Variants in PIP4P2 observed in about 807,000 individuals in gnomAD.
The protein encoded by PIP4P2 is phosphatidylinositol-4,5-bisphosphate 4-phosphatase 2, also known as type 2 phosphatidylinositol 4,5-bisphosphate 4-phosphatase.
In PIP4P2, 19 loss-of-function variants were observed where a neutral mutation model predicts 33.3. The ratio of observed to expected loss-of-function variants is 0.57; its 90% CI spans 0.40 to 0.84. PIP4P2 has a LOEUF of 0.84. PIP4P2 is among the 40% of genes least tolerant of loss of function. PIP4P2 has a pLI of 0.00. For synonymous variants in PIP4P2, 110 were observed against 111.9 expected (o/e 0.98, Z 0.11); for missense variants, 270 against 324.7 (o/e 0.83, Z 1.29).
chr8:91,012,613 C>T (rs1186105039), intron 4 of PIP4P2, among the ~76,000 whole-genome samples: 2 of 152,052 alleles, frequency 1.3e-5, no homozygotes, highest in Non-Finnish European at 2.9e-5. Flanking sequence ...TCTTTAAATA[C>T]TGTATTTTAA....
At chr8:91,033,702 T>C (rs1364088777) in intron 1 of PIP4P2, among the ~76,000 whole-genome samples, 1 of 152,218 alleles carries the variant, frequency 6.6e-6, no homozygotes, top group Non-Finnish European at 1.5e-5. Context: ...TTCCCTCATT[T>C]ACACCTCGCA....
intron 2 of PIP4P2, 92 bp downstream of exon 2, chr8:91,021,164 T>A: frequency 7.0e-7 from 1 of 1,436,604 alleles, no homozygotes; most frequent in South Asian, 1.3e-5. Flanking sequence ...CCAGCCCACA[T>A]ATACTTTTAA....
intron 1 of PIP4P2, among the ~76,000 whole-genome samples, chr8:91,022,247 A>G (rs1426902624): frequency 3.3e-5 from 5 of 152,190 alleles, no homozygotes; most frequent in Non-Finnish European, 7.4e-5. Context: ...ACTTTTGTGT[A>G]TGTTTGAAAA....
chr8:91,022,608 A>G (rs1053268777), intron 1 of PIP4P2, among the ~76,000 whole-genome samples: 3 of 152,122 alleles, frequency 2.0e-5, no homozygotes, highest in African/African-American at 7.2e-5. Flanking sequence ...AAATATAATC[A>G]CAATAGCTAA....
Position 90,995,596 on chromosome 8 carries a change from A to T in PIP4P2, c.*81T>A. 1 of 1,492,988 alleles carries T rather than the reference A, an allele frequency of 6.7e-7. No homozygotes were observed. Among genetic ancestry groups the T allele is most frequent in the African/African-American group, 1.4e-5 (1 of 70,390 alleles). 92.5% of individuals were successfully genotyped at this position (1,492,988 alleles called of 1,614,324 possible). A position where few individuals can be genotyped will look rare whatever the true frequency, so the allele number is the denominator to read the frequency against. On this transcript the variant is annotated 3_prime_UTR_variant, in exon 7 of 7. Coordinates refer to ENST00000285419, the MANE Select transcript of PIP4P2 (RefSeq NM_018710.3). Reference sequence around the variant, plus strand: ...ATAAACCAGAATGGAATCCATTAGGATAAATAATTTAAAGATGTCCAGAGT... The same window carrying T: ...ATAAACCAGAATGGAATCCATTAGGTTAAATAATTTAAAGATGTCCAGAGT...
chr8:90,995,092 C>A lies in PIP4P2; in HGVS notation c.*585G>T, dbSNP rs1283024479. ...CCAAAATATTTTATCTTTCTACAAA[C>A]AACAAAAAACAAGCAAACAGTATCT... On this transcript the variant is annotated 3_prime_UTR_variant, in exon 7 of 7. Transcript: ENST00000285419. The A allele has an allele frequency of 6.6e-6, 1 of 152,114 alleles. No homozygotes were observed. Among genetic ancestry groups the A allele is most frequent in the Non-Finnish European group, 1.5e-5 (1 of 67,880 alleles). 9.4% of individuals were successfully genotyped at this position (152,114 alleles called of 1,614,324 possible).
At chr8:91,024,870 A>C (rs577226467) in intron 1 of PIP4P2, among the ~76,000 whole-genome samples, 10 of 152,136 alleles carry the variant, frequency 6.6e-5, no homozygotes, top group Non-Finnish European at 1.2e-4. Flanking sequence ...AGAATAGAAC[A>C]ATGTTAGAAA....
intron 5 of PIP4P2, among the ~76,000 whole-genome samples, chr8:90,998,160 A>G (rs980711398): frequency 6.6e-6 from 1 of 151,974 alleles, no homozygotes; most frequent in Non-Finnish European, 1.5e-5. Flanking sequence ...GTTTCTTATC[A>G]CTGCCTGTGC....
At chr8:91,008,929 T>C in intron 4 of PIP4P2, 134 bp from the exon 5 acceptor site, 1 of 620,182 alleles carries the variant, frequency 1.6e-6, no homozygotes, top group Admixed American at 3.0e-5. Context: ...TTACATGAGT[T>C]TTTCCCTCCA....
At chr8:91,019,807 C>T (rs1349151127) in intron 3 of PIP4P2, among the ~76,000 whole-genome samples, 1 of 152,066 alleles carries the variant, frequency 6.6e-6, no homozygotes, top group Non-Finnish European at 1.5e-5. Flanking sequence ...TTCAGGCAAT[C>T]CTCCCACCTC....
intron 5 of PIP4P2, among the ~76,000 whole-genome samples, chr8:91,003,912 A>G (rs759302569): frequency 3.9e-5 from 6 of 152,012 alleles, no homozygotes; most frequent in Non-Finnish European, 7.4e-5. Flanking sequence ...AAACCATTGT[A>G]TTAGTCAGGG....
intron 1 of PIP4P2, among the ~76,000 whole-genome samples, chr8:91,039,034 A>G (rs1014931357): frequency 1.3e-5 from 2 of 152,224 alleles, no homozygotes; most frequent in African/African-American, 4.8e-5. Flanking sequence ...CCCTGAGTGT[A>G]GCCATTTTTA....
At chr8:91,040,556 A>T in intron 1 of PIP4P2, 88 bp downstream of exon 1, 1 of 1,489,492 alleles carries the variant, frequency 6.7e-7, no homozygotes, top group Non-Finnish European at 9.3e-7. Context: ...CTCCACCTCC[A>T]AGCTAGAGCT....
intron 1 of PIP4P2, among the ~76,000 whole-genome samples, chr8:91,030,213 C>CAAAAAAAAAAAAA: frequency 8.7e-6 from 1 of 114,854 alleles, no homozygotes. Context: ...GACTCCATCT[C>CAAAAAAAAAAAAA]AAAAAAAAAA....
intron 1 of PIP4P2, among the ~76,000 whole-genome samples, chr8:91,023,465 A>C (rs903634730): frequency 6.6e-6 from 1 of 152,118 alleles, no homozygotes; most frequent in East Asian, 1.9e-4. Context: ...TCTCCTAAGA[A>C]AATTTCAGAG....
chr8:90,995,660 C>G lies in PIP4P2; in HGVS notation c.*17G>C. On this transcript the variant is annotated 3_prime_UTR_variant, in exon 7 of 7. Coordinates refer to ENST00000285419, the MANE Select transcript of PIP4P2 (RefSeq NM_018710.3). The stretch of plus-strand genomic sequence containing the variant: ...CTGCTAGACACTCTCACCTGCATTA[C>G]TGAATCATAAACAAGCTTATGCAAA... 5.6e-6 allele frequency: 9 copies of G among 1,604,350 alleles called. No homozygotes were observed. Among genetic ancestry groups the G allele is most frequent in the Non-Finnish European group, 7.6e-6 (9 of 1,176,792 alleles).
chr8:91,009,877 C>T (rs565868617), intron 4 of PIP4P2, among the ~76,000 whole-genome samples: 20 of 151,812 alleles, frequency 1.3e-4, no homozygotes, highest in Admixed American at 2.0e-4. Context: ...GTTATGATCT[C>T]GCTTAGTCAC....
intron 5 of PIP4P2, among the ~76,000 whole-genome samples, chr8:91,004,195 C>A (rs1158109275): frequency 6.6e-6 from 1 of 152,098 alleles, no homozygotes; most frequent in East Asian, 1.9e-4. Context: ...GGAAGGTCTG[C>A]GGAGCTGAGG....
At chr8:91,009,980 T>C (rs999909658) in intron 4 of PIP4P2, among the ~76,000 whole-genome samples, 38 of 152,034 alleles carry the variant, frequency 2.5e-4, no homozygotes, top group African/African-American at 8.4e-4. Flanking sequence ...TTTAAACATC[T>C]GCAAATGTCA....
Sources: allele counts gnomAD v4.1 joint callset (sites outside exome capture counted in the v4.1 genomes callset), GRCh38; gene constraint gnomAD v4.1.1; transcripts MANE v1.5; gene names NCBI Gene and HGNC (gene_info 2026-07-23, HGNC 2026-07-21).